Variants in EML6 observed in about 807,000 individuals in gnomAD.
EML6 encodes the protein echinoderm microtubule-associated protein-like 6.
EML6 carries 154 observed loss-of-function variants against 240.1 expected under a neutral mutation model. The observed-to-expected ratio is 0.64, with a 90% CI of 0.56 to 0.73. EML6 has a LOEUF of 0.73. Ranked by LOEUF, EML6 falls within the 30% of genes least tolerant of loss-of-function variation. The probability of loss-of-function intolerance (pLI) is 0.00; values close to 1 mark genes in which losing one functional copy is unlikely to be tolerated. For missense variants in EML6, 2,964 were observed against 2,474.6 expected, an observed-to-expected ratio of 1.20 and a Z score of -4.20; for synonymous variants, 1,148 against 899.0, an observed-to-expected ratio of 1.28 and a Z score of -4.95.
In EML6 at chr2:54,816,909, A is replaced by C. The variant is rs768602897; in HGVS notation, c.456+24A>C. ...GGGTAAGAACTTGTTGGATCAAGCT[A>C]TGCAGATTTCAGAACTTGGGGGGAC... On this transcript the variant is annotated intron_variant, in intron 4 of 41. Transcript: ENST00000356458. The C allele has an allele frequency of 2.0e-6, 3 of 1,496,516 alleles. No homozygotes were observed. In the South Asian group the frequency reaches 3.6e-5, roughly 18 times the overall value. The allele number at this position is 1,496,516 out of a possible 1,614,324, so 92.7% of individuals were successfully genotyped here.
chr2:54,848,080 G>C (rs755603869), intron 9 of EML6, among the ~76,000 whole-genome samples: 3 of 152,076 alleles, frequency 2.0e-5, no homozygotes, highest in Non-Finnish European at 4.4e-5. Flanking sequence ...GCCAAGAAAA[G>C]AGGAAGAAAG....
intron 2 of EML6, among the ~76,000 whole-genome samples, chr2:54,788,318 G>T (rs1669200473): frequency 6.6e-6 from 1 of 152,148 alleles, no homozygotes; most frequent in Non-Finnish European, 1.5e-5. Context: ...GTGTTTTGTT[G>T]TGCCGGCTCC....
At chr2:54,852,091 G>T (rs1670121697) in intron 10 of EML6, among the ~76,000 whole-genome samples, 1 of 152,168 alleles carries the variant, frequency 6.6e-6, no homozygotes, top group Admixed American at 6.5e-5. Context: ...GAGGATCATA[G>T]TCCTTATTTA....
At chr2:54,908,075 G>T (rs1573119315) in intron 24 of EML6, among the ~76,000 whole-genome samples, 1 of 152,084 alleles carries the variant, frequency 6.6e-6, no homozygotes, top group Non-Finnish European at 1.5e-5. Context: ...TGTATTAGCA[G>T]CAGTAAAGAA....
chr2:54,954,423 A>G (rs1676134666), intron 32 of EML6, among the ~76,000 whole-genome samples: 1 of 152,152 alleles, frequency 6.6e-6, no homozygotes, highest in African/African-American at 2.4e-5. Context: ...CGATGTTGGC[A>G]GCCCTCCTCC....
chr2:54,895,238 T>C, intron 20 of EML6, 35 bp from the exon 21 acceptor site: 3 of 1,549,598 alleles, frequency 1.9e-6, no homozygotes, highest in Non-Finnish European at 2.6e-6. Context: ...CAGTTGTTTT[T>C]GTTATTGTGT....
At chr2:54,873,410 C>T (rs1424001631) in intron 16 of EML6, among the ~76,000 whole-genome samples, 1 of 152,204 alleles carries the variant, frequency 6.6e-6, no homozygotes, top group Non-Finnish European at 1.5e-5. Context: ...CACCTGCCAG[C>T]TGAATAACAC....
chr2:54,831,561 A>G (rs960842388), intron 7 of EML6, among the ~76,000 whole-genome samples: 5 of 152,180 alleles, frequency 3.3e-5, no homozygotes, highest in African/African-American at 1.2e-4. Context: ...TACCAAGATC[A>G]AAGCACATCT....
intron 2 of EML6, among the ~76,000 whole-genome samples, chr2:54,775,002 T>C (rs1445998839): frequency 6.6e-6 from 1 of 152,140 alleles, no homozygotes; most frequent in Non-Finnish European, 1.5e-5. Context: ...GATCAAAAAA[T>C]GAAAAAGCAA....
At chr2:54,864,047 C>T (rs1032451198) in intron 13 of EML6, among the ~76,000 whole-genome samples, 158 bp downstream of exon 13, 1 of 152,136 alleles carries the variant, frequency 6.6e-6, no homozygotes, top group South Asian at 2.1e-4. Flanking sequence ...CAGGTTAAAA[C>T]CGACGTGTTT....
chr2:54,748,807 C>G (rs577672245), intron 2 of EML6, among the ~76,000 whole-genome samples: 1 of 152,290 alleles, frequency 6.6e-6, no homozygotes, highest in South Asian at 2.1e-4. Flanking sequence ...AAGCAATCCT[C>G]CCACCTTGGC....
intron 2 of EML6, among the ~76,000 whole-genome samples, chr2:54,770,853 G>C (rs759990104): frequency 6.6e-6 from 1 of 151,984 alleles, no homozygotes; most frequent in African/African-American, 2.4e-5. Context: ...ATGCTTCTCT[G>C]CTTGTCCTCT....
intron 7 of EML6, among the ~76,000 whole-genome samples, chr2:54,840,669 A>G (rs1316665246): frequency 2.0e-5 from 3 of 152,180 alleles, no homozygotes; most frequent in African/African-American, 4.8e-5. Flanking sequence ...CAAGGACTCA[A>G]ATATTTGATT....
intron 17 of EML6, among the ~76,000 whole-genome samples, chr2:54,888,152 G>C (rs1489184526): frequency 6.6e-6 from 1 of 152,160 alleles, no homozygotes; most frequent in Non-Finnish European, 1.5e-5. Flanking sequence ...TATCTCTCTC[G>C]AGCTGGGGGC....
At chr2:54,737,361 C>T (rs896178664) in intron 2 of EML6, among the ~76,000 whole-genome samples, 7 of 152,020 alleles carry the variant, frequency 4.6e-5, no homozygotes, top group Non-Finnish European at 8.8e-5. Context: ...TGCAGTGGCG[C>T]GATCTCGGCT....
intron 4 of EML6, among the ~76,000 whole-genome samples, chr2:54,817,695 G>T (rs1668140023): frequency 6.6e-6 from 1 of 152,072 alleles, no homozygotes; most frequent in South Asian, 2.1e-4. Context: ...TTACAAATTT[G>T]TGTTGGGCCG....
At chr2:54,883,207 G>A (rs1213981179) in intron 17 of EML6, among the ~76,000 whole-genome samples, 1 of 152,028 alleles carries the variant, frequency 6.6e-6, no homozygotes, top group African/African-American at 2.4e-5. Flanking sequence ...ATATCTTTTA[G>A]TGTGTATTTT....
At chr2:54,911,102 T>A in intron 25 of EML6, 60 bp downstream of exon 25, 1 of 856,022 alleles carries the variant, frequency 1.2e-6, no homozygotes, top group Non-Finnish European at 1.9e-6. Context: ...ATGTGCATTT[T>A]AATAAAACCT....
At chr2:54,856,490 A>G (rs992897389) in intron 11 of EML6, among the ~76,000 whole-genome samples, 3 of 152,246 alleles carry the variant, frequency 2.0e-5, no homozygotes, top group African/African-American at 4.8e-5. Context: ...CACATGGCCT[A>G]TGGACAGCTT....
Sources: allele counts gnomAD v4.1 joint callset (sites outside exome capture counted in the v4.1 genomes callset), GRCh38; gene constraint gnomAD v4.1.1; transcripts MANE v1.5; gene names NCBI Gene and HGNC (gene_info 2026-07-23, HGNC 2026-07-21).